Variants in HYAL4 observed in about 807,000 individuals in gnomAD.
HYAL4 encodes hyaluronidase-4.
HYAL4 carries 37 observed loss-of-function variants against 35.2 expected under a neutral mutation model. That is an observed-to-expected ratio of 1.05 (90% CI 0.81 to 1.38). HYAL4 has a LOEUF of 1.38. HYAL4 is among the 40% of genes most tolerant of loss of function. The pLI is 0.00. For synonymous variants in HYAL4, 198 were observed against 203.2 expected (o/e 0.97, Z 0.22); for missense variants, 572 against 572.4 (o/e 1.00, Z 0.01).
chr7:123,787,084 G>A, the HYAL4 span, among the ~76,000 whole-genome samples: 4 of 125,270 alleles, frequency 3.2e-5, no homozygotes, highest in African/African-American at 1.3e-4. Flanking sequence ...TCCAGCCTGG[G>A]CAACAAGAGC....
the HYAL4 span, among the ~76,000 whole-genome samples, chr7:123,805,641 C>T: frequency 2.6e-5 from 4 of 151,680 alleles, no homozygotes; most frequent in Admixed American, 2.0e-4. Context: ...AGTGAAAGAG[C>T]AAGAAAGGCA....
intron 3 of HYAL4, among the ~76,000 whole-genome samples, chr7:123,873,496 A>C (rs1307219308): frequency 2.0e-5 from 3 of 147,300 alleles, no homozygotes; most frequent in African/African-American, 7.4e-5. Flanking sequence ...TTATCTCTCA[A>C]GTATTAATAT....
At chr7:123,820,426 A>C in the HYAL4 span, among the ~76,000 whole-genome samples, 1 of 151,922 alleles carries the variant, frequency 6.6e-6, no homozygotes. Flanking sequence ...TCTACTAAAA[A>C]TACAAAATTA....
At chr7:123,819,317 ACTC>A in the HYAL4 span, 1 of 152,444 alleles carries the variant, frequency 6.6e-6, no homozygotes, top group Admixed American at 6.6e-5. Flanking sequence ...GGTGGAAACT[ACTC>A]CTGATACCTC....
intron 2 of HYAL4, among the ~76,000 whole-genome samples, chr7:123,865,634 A>G (rs1211247245): frequency 2.6e-5 from 4 of 152,138 alleles, no homozygotes; most frequent in Non-Finnish European, 5.9e-5. Flanking sequence ...CTTTGGAGGA[A>G]GTTTTGTGAA....
chr7:123,778,802 T>C, the HYAL4 span, among the ~76,000 whole-genome samples: 1 of 152,196 alleles, frequency 6.6e-6, no homozygotes, highest in Non-Finnish European at 1.5e-5. Context: ...AATTGAAATA[T>C]CTAAATATTC....
chr7:123,777,932 G>C, the HYAL4 span, among the ~76,000 whole-genome samples: 2 of 140,034 alleles, frequency 1.4e-5, no homozygotes, highest in African/African-American at 5.2e-5. Flanking sequence ...TTTTTTTTTT[G>C]CTTATTTCTA....
chr7:123,834,095 G>A (rs1562991608), intron 1 of HYAL4, among the ~76,000 whole-genome samples: 1 of 151,960 alleles, frequency 6.6e-6, no homozygotes. Flanking sequence ...AGGAATTTTA[G>A]GATTGTTTTT....
the HYAL4 span, among the ~76,000 whole-genome samples, chr7:123,794,056 G>A: frequency 2.6e-5 from 4 of 152,232 alleles, no homozygotes; most frequent in Non-Finnish European, 5.9e-5. Flanking sequence ...GGACAACAAA[G>A]TCCAGGCTGA....
At chr7:123,793,272 G>A in the HYAL4 span, among the ~76,000 whole-genome samples, 1 of 152,094 alleles carries the variant, frequency 6.6e-6, no homozygotes, top group Non-Finnish European at 1.5e-5. Context: ...TACTTATTTT[G>A]CCTTCTTTGC....
At chr7:123,801,133 G>A in the HYAL4 span, among the ~76,000 whole-genome samples, 1 of 152,084 alleles carries the variant, frequency 6.6e-6, no homozygotes, top group Admixed American at 6.5e-5. Context: ...TGGGCAACAT[G>A]GTGAAACCCT....
At chr7:123,858,285 A>C (rs1475570981) in intron 2 of HYAL4, among the ~76,000 whole-genome samples, 1 of 152,180 alleles carries the variant, frequency 6.6e-6, no homozygotes, top group Non-Finnish European at 1.5e-5. Context: ...AGCTCTTTAT[A>C]AGCCAAAATC....
the HYAL4 span, among the ~76,000 whole-genome samples, chr7:123,778,175 A>G: frequency 6.6e-6 from 1 of 151,622 alleles, no homozygotes; most frequent in African/African-American, 2.4e-5. Flanking sequence ...CTATCTATCT[A>G]TCTATCTATC....
At chr7:123,811,731 A>G in the HYAL4 span, among the ~76,000 whole-genome samples, 6 of 152,092 alleles carry the variant, frequency 3.9e-5, no homozygotes, top group African/African-American at 9.7e-5. Context: ...TTAGTATTGT[A>G]TCTAAAAAGT....
At chr7:123,863,032 C>G (rs999030319) in intron 2 of HYAL4, among the ~76,000 whole-genome samples, 1 of 152,220 alleles carries the variant, frequency 6.6e-6, no homozygotes, top group Non-Finnish European at 1.5e-5. Context: ...TCATACTTCC[C>G]CAGACATCCT....
the HYAL4 span, among the ~76,000 whole-genome samples, chr7:123,813,892 A>C: frequency 6.6e-6 from 1 of 152,176 alleles, no homozygotes; most frequent in Non-Finnish European, 1.5e-5. Context: ...TTAAAACCAG[A>C]ATGGCTAGCA....
At chr7:123,811,520 A>C in the HYAL4 span, among the ~76,000 whole-genome samples, 1 of 152,084 alleles carries the variant, frequency 6.6e-6, no homozygotes, top group Non-Finnish European at 1.5e-5. Context: ...CTCATTTTTA[A>C]ATCTGTTGTT....
chr7:123,766,445 C>T, the HYAL4 span, among the ~76,000 whole-genome samples: 1 of 152,030 alleles, frequency 6.6e-6, no homozygotes, highest in African/African-American at 2.4e-5. Flanking sequence ...ATTGAAACCC[C>T]CGGGTAACCT....
rs1198587826 is a variant in HYAL4 at position 123,857,733 on chromosome 7, C to CTTTCTTTA, written c.-52+9575_-52+9576insTTTCTTTA. 1.3e-3 allele frequency among the ~76,000 whole-genome samples: 194 copies of CTTTCTTTA among 144,270 alleles called. 2 individuals are homozygous for CTTTCTTTA. Among genetic ancestry groups the CTTTCTTTA allele is most frequent in the African/African-American group, 4.7e-3 (183 of 38,564 alleles). The allele number at this position is 144,270 out of a possible 152,430, so 94.6% of individuals were successfully genotyped here. ...TCTTTCTTTCTTTCTTTCTTTCTTT[C>CTTTCTTTA]AATAGAAACAAAACATAATTCAGTT... is the stretch of plus-strand genomic sequence containing the variant. On this transcript the variant is annotated intron_variant, in intron 2 of 4. Transcript: ENST00000223026.
Sources: gnomAD v4.1 joint callset for allele counts (sites outside exome capture counted in the v4.1 genomes callset) on GRCh38, gnomAD v4.1.1 for gene constraint, MANE v1.5 for transcripts, NCBI Gene and HGNC (gene_info 2026-07-23, HGNC 2026-07-21) for gene names.